Variants in CCDC15 observed in about 807,000 individuals in gnomAD.
CCDC15 encodes the protein coiled-coil domain-containing protein 15.
A neutral mutation model predicts 114.5 loss-of-function variants in CCDC15; 105 were observed. That is an observed-to-expected ratio of 0.92 (90% CI 0.78 to 1.08). The LOEUF (loss-of-function observed/expected upper bound fraction) is 1.08, where lower values mean the gene tolerates loss of function less well. Ranked by LOEUF, CCDC15 falls within the 50% of genes least tolerant of loss-of-function variation. The pLI is 0.00. For missense variants in CCDC15, 1,105 were observed against 1,093.6 expected (o/e 1.01, Z -0.15); for synonymous variants, 334 against 377.8 (o/e 0.88, Z 1.34).
intron 13 of CCDC15, among the ~76,000 whole-genome samples, chr11:125,020,699 T>C (rs1948655235): frequency 1.3e-5 from 2 of 152,020 alleles, no homozygotes. Flanking sequence ...TAAATTGACA[T>C]ATTGATTTCT....
chr11:125,015,049 A>G (rs1469442161), intron 13 of CCDC15, among the ~76,000 whole-genome samples: 2 of 152,300 alleles, frequency 1.3e-5, no homozygotes, highest in East Asian at 3.9e-4. Context: ...ATTAGGAAAT[A>G]CTTTTGAGAG....
At chr11:125,011,242 A>ATTTTTTTTTT (rs558615124) in intron 13 of CCDC15, among the ~76,000 whole-genome samples, 17 of 143,526 alleles carry the variant, frequency 1.2e-4, no homozygotes, top group African/African-American at 1.8e-4. Flanking sequence ...TATTATTATT[A>ATTTTTTTTTT]TTATTATTTT....
chr11:124,959,026 T>C (rs1456981092), intron 2 of CCDC15, 89 bp from the exon 3 acceptor site: 2 of 818,232 alleles, frequency 2.4e-6, no homozygotes, highest in Non-Finnish European at 3.6e-6. Context: ...CAGGATTGTA[T>C]CCTTATCCTG....
intron 13 of CCDC15, among the ~76,000 whole-genome samples, chr11:125,027,718 G>C (rs1413217139): frequency 1.3e-5 from 2 of 151,510 alleles, no homozygotes; most frequent in African/African-American, 4.9e-5. Context: ...CTTTTGCCGT[G>C]TAGAATCTTT....
At chr11:124,978,061 T>G (rs1481265129) in intron 6 of CCDC15, among the ~76,000 whole-genome samples, 1 of 152,152 alleles carries the variant, frequency 6.6e-6, no homozygotes, top group African/African-American at 2.4e-5. Flanking sequence ...TGTGTTCATA[T>G]GTACTGAATG....
At position 124,977,510 on chromosome 11, in the gene CCDC15, G is replaced by A. The variant is rs1165682506; in HGVS notation, c.663G>A (p.Gly221=). 6.2e-7 allele frequency: 1 copy of A among 1,602,054 alleles called. No homozygotes were observed. The highest frequency in any genetic ancestry group is 1.7e-5 in the Admixed American group (1 of 58,414). Reference sequence around the variant, plus strand: ...TTTCCAGGAAACCAGCATCCACTGGGATAAATACAGGAATAAGAGGAGAGT... The same window carrying A: ...TTTCCAGGAAACCAGCATCCACTGGAATAAATACAGGAATAAGAGGAGAGT... ...EVLSRKPAST[G]INTGIRGELP... Residue 221 remains glycine (G), a synonymous_variant, in exon 6 of 16, where the codon GGG becomes GGA. Coordinates refer to ENST00000344762, the MANE Select transcript of CCDC15 (RefSeq NM_025004.3).
At chr11:124,991,978 C>T (rs1264823550) in intron 9 of CCDC15, among the ~76,000 whole-genome samples, 2 of 152,214 alleles carry the variant, frequency 1.3e-5, no homozygotes, top group East Asian at 3.9e-4. Context: ...GCCACTGTCC[C>T]CGGCCAGAAT....
In CCDC15 at chr11:124,987,320, T is replaced by C. The variant is rs762748412; in HGVS notation, c.1094T>C (p.Met365Thr). The C allele has an allele frequency of 6.2e-7, 1 of 1,613,044 alleles. No individual in the cohort carries two copies. Among genetic ancestry groups the C allele is most frequent in the Non-Finnish European group, 8.5e-7 (1 of 1,179,598 alleles). The change falls in exon 8 of 16, where the codon ATG becomes ACG. Residue 365 changes from methionine (M) to threonine (T), a missense_variant. Physicochemically the swap from Met to Thr is moderately conservative, Grantham distance 81 (BLOSUM62 -1). Transcript: ENST00000344762. ...SVKPDTQAVE[M>T]KVQVTEPEGQ... Reference sequence around the variant, plus strand: ...AAGCCAGATACCCAGGCTGTTGAAATGAAGGTTCAGGTTACTGAGCCAGAA... The same window carrying C: ...AAGCCAGATACCCAGGCTGTTGAAACGAAGGTTCAGGTTACTGAGCCAGAA...
rs139810385 is a variant in CCDC15, at chr11:125,002,018, C to T, written c.2215-1849C>T. 3.3e-5 allele frequency among the ~76,000 whole-genome samples: 5 copies of T among 152,246 alleles called. No homozygotes were observed. In the East Asian group the frequency reaches 9.6e-4, roughly 29 times the overall value. On this transcript the variant is annotated intron_variant, in intron 11 of 15. Transcript: ENST00000344762. ...GTAGCTGCACCATTTTTCATTCCCA[C>T]CAGCGGTATATGAGGACTCAAATTT...
chr11:124,992,920 A>G (rs1188984076), intron 10 of CCDC15, among the ~76,000 whole-genome samples: 1 of 152,230 alleles, frequency 6.6e-6, no homozygotes, highest in Non-Finnish European at 1.5e-5. Flanking sequence ...AGAGATAGAT[A>G]ATAAAGCAAA....
chr11:125,004,867 A>T (rs71474121), intron 12 of CCDC15, among the ~76,000 whole-genome samples: 4,450 of 152,178 alleles, frequency 0.029, 88 homozygotes, highest in Middle Eastern at 0.061. Flanking sequence ...AACAGAGTAA[A>T]TACTTTCTCT....
rs1591595983 is a variant in CCDC15 at position 124,992,510 on chromosome 11, A to G, written c.2032-70A>G. The G allele has an allele frequency of 5.9e-6, 5 of 849,710 alleles. No homozygotes were observed. The South Asian group carries it at 6.2e-5, about 11-fold the overall frequency. 52.6% of individuals were successfully genotyped at this position (849,710 alleles called of 1,614,324 possible). On this transcript the variant is annotated intron_variant, in intron 9 of 15. Transcript: ENST00000344762. ...TTCTCTGGAGTTTTCACTGAAGCTTATGATATTATGATTAGCATTACACAA... is the reference window on the plus strand; with the variant it reads ...TTCTCTGGAGTTTTCACTGAAGCTTGTGATATTATGATTAGCATTACACAA...
At chr11:124,966,328 T>A (rs913733826) in intron 4 of CCDC15, among the ~76,000 whole-genome samples, 1 of 152,216 alleles carries the variant, frequency 6.6e-6, no homozygotes, top group Non-Finnish European at 1.5e-5. Flanking sequence ...GGTGCTCCTG[T>A]ATTGGGTGTA....
chr11:124,996,235 C>T (rs1038882252), intron 11 of CCDC15, among the ~76,000 whole-genome samples: 1 of 152,156 alleles, frequency 6.6e-6, no homozygotes, highest in African/African-American at 2.4e-5. Context: ...CAGGGCTGCC[C>T]AGTGCCCTAC....
At chr11:124,963,979 C>A (rs1947720731) in intron 4 of CCDC15, among the ~76,000 whole-genome samples, 1 of 152,196 alleles carries the variant, frequency 6.6e-6, no homozygotes, top group East Asian at 1.9e-4. Context: ...TCTGAGGCCT[C>A]TGTTCTGTTC....
intron 13 of CCDC15, among the ~76,000 whole-genome samples, chr11:125,034,184 G>A (rs1301935025): frequency 3.3e-5 from 5 of 152,130 alleles, no homozygotes; most frequent in Non-Finnish European, 5.9e-5. Flanking sequence ...GTCGGGGAGG[G>A]GATGTTGCCA....
intron 2 of CCDC15, among the ~76,000 whole-genome samples, chr11:124,955,383 C>T (rs1464163348): frequency 2.0e-5 from 3 of 152,172 alleles, no homozygotes; most frequent in Non-Finnish European, 2.9e-5. Flanking sequence ...GAGATGAACT[C>T]TGATAATCTG....
At chr11:125,032,905 C>T (rs755893025) in intron 13 of CCDC15, among the ~76,000 whole-genome samples, 1 of 152,212 alleles carries the variant, frequency 6.6e-6, no homozygotes, top group African/African-American at 2.4e-5. Context: ...CCCCTGGATT[C>T]AGTGTCAGCT....
chr11:125,029,312 C>T (rs1319105695), intron 13 of CCDC15, among the ~76,000 whole-genome samples: 1 of 152,186 alleles, frequency 6.6e-6, no homozygotes, highest in Admixed American at 6.5e-5. Context: ...CACTTGTCAA[C>T]TTGAGCCCAT....
Sources: gnomAD v4.1 joint callset for allele counts (sites outside exome capture counted in the v4.1 genomes callset) on GRCh38, gnomAD v4.1.1 for gene constraint, MANE v1.5 for transcripts, NCBI Gene and HGNC (gene_info 2026-07-23, HGNC 2026-07-21) for gene names.